WNT8A: variants seen among roughly 807,000 people sequenced by gnomAD.
The protein encoded by WNT8A is Wnt family member 8A.
Under a neutral mutation model 20.5 loss-of-function variants are expected in WNT8A, and 14 were observed. The ratio of observed to expected loss-of-function variants is 0.68; its 90% CI spans 0.45 to 1.07. WNT8A has a LOEUF of 1.07. Ranked by LOEUF, WNT8A falls within the 50% of genes least tolerant of loss-of-function variation. The pLI, the probability that WNT8A is intolerant of heterozygous loss-of-function variation, is 0.00. For synonymous variants in WNT8A, 167 were observed against 169.2 expected (o/e 0.99, Z 0.10); for missense variants, 397 against 462.9 (o/e 0.86, Z 1.31).
In WNT8A at chr5:138,090,778, A is replaced by G; in HGVS notation, c.815A>G (p.Glu272Gly). The change falls in exon 5 of 5, where the codon GAA becomes GGA. Residue 272 changes from glutamate to glycine, a missense_variant. By Grantham distance (98) the Glu-to-Gly change is moderately conservative (BLOSUM62 -2). Coordinates refer to ENST00000506684, the MANE Select transcript of WNT8A (RefSeq NM_001300939.2). Reference sequence around the variant, plus strand: ...GAGGCGGAACTGATCTTTTTAGAGGAATCACCAGATTACTGTACCTGCAAT... The same window carrying G: ...GAGGCGGAACTGATCTTTTTAGAGGGATCACCAGATTACTGTACCTGCAAT... ...SAEAELIFLEESPDYCTCNSS... is the reference protein window; with the variant it reads ...SAEAELIFLEGSPDYCTCNSS... 1 of 1,614,210 alleles carries G rather than the reference A, an allele frequency of 6.2e-7. No individual in the cohort carries two copies. Among genetic ancestry groups the G allele is most frequent in the East Asian group, 2.2e-5 (1 of 44,884 alleles).
upstream of WNT8A, among the ~76,000 whole-genome samples, chr5:138,080,900 T>A (rs1750494761): frequency 6.6e-6 from 1 of 152,110 alleles, no homozygotes. Context: ...GGGCTCCTGA[T>A]ACCTGGAGCA....
chr5:138,089,152 G>A (rs1191649533), intron 4 of WNT8A, 83 bp downstream of exon 4: 11 of 1,520,892 alleles, frequency 7.2e-6, no homozygotes, highest in African/African-American at 5.6e-5. Context: ...TGTCTTATAC[G>A]TTCTTTCCTC....
At position 138,089,028 on chromosome 5, in the gene WNT8A, A is replaced by G; in HGVS notation, c.523A>G (p.Arg175Gly). The G allele has an allele frequency of 6.2e-7, 1 of 1,613,842 alleles. No homozygotes were observed. The highest frequency in any genetic ancestry group is 8.5e-7 in the Non-Finnish European group (1 of 1,180,036). Reference sequence around the variant, plus strand: ...CAGTTTGGAGAAGGGGAAGGATGCCAGAGCCCTGATGAATCTTCACAACAA... The same window carrying G: ...CAGTTTGGAGAAGGGGAAGGATGCCGGAGCCCTGATGAATCTTCACAACAA... ...VDSLEKGKDA[R>G]ALMNLHNNRA... Residue 175 changes from arginine to glycine, a missense_variant, in exon 4 of 5, where the codon AGA becomes GGA. Transcript: ENST00000506684.
At position 138,087,842 on chromosome 5, in the gene WNT8A, C is replaced by G. The variant is rs745636684; in HGVS notation, c.332C>G (p.Ser111Cys). ...RETSFIHAIS[S>C]AGVMYIITKN... ...ACTTCCTTCATACATGCTATCAGCTCTGCTGGAGTCATGTACATCATCACC... is the reference window on the plus strand; with the variant it reads ...ACTTCCTTCATACATGCTATCAGCTGTGCTGGAGTCATGTACATCATCACC... The change falls in exon 3 of 5, where the codon TCT (serine) becomes TGT (cysteine). Residue 111 changes from serine (S) to cysteine (C), a missense_variant. Coordinates refer to ENST00000506684, the MANE Select transcript of WNT8A (RefSeq NM_001300939.2). 4 of 1,613,998 alleles carry G rather than the reference C, an allele frequency of 2.5e-6. No homozygotes were observed. Among genetic ancestry groups the G allele is most frequent in the Non-Finnish European group, 3.4e-6 (4 of 1,179,942 alleles).
intron 4 of WNT8A, among the ~76,000 whole-genome samples, chr5:138,089,619 C>T (rs192493508): frequency 6.6e-6 from 1 of 152,246 alleles, no homozygotes; most frequent in Admixed American, 6.5e-5. Context: ...TGAACCTATA[C>T]CTAGATATCC....
At chr5:138,079,688 G>T (rs2151141893), upstream of WNT8A, among the ~76,000 whole-genome samples, 1 of 152,274 alleles carries the variant, frequency 6.6e-6, no homozygotes, top group African/African-American at 2.4e-5. Context: ...AGGCTCATCT[G>T]TCCCTACCAT....
At chr5:138,087,674 AGAAAG>A in intron 2 of WNT8A, 127 bp from the exon 3 acceptor site, 1 of 706,612 alleles carries the variant, frequency 1.4e-6, no homozygotes, top group Non-Finnish European at 2.1e-6. Context: ...AAAAAAAAAA[AGAAAG>A]AAAAGCATCC....
chr5:138,090,348 A>G (rs1324568102), intron 4 of WNT8A, among the ~76,000 whole-genome samples, 180 bp from the exon 5 acceptor site: 1 of 152,182 alleles, frequency 6.6e-6, no homozygotes, highest in African/African-American at 2.4e-5. Flanking sequence ...TTCCCCACTG[A>G]ATATCCTCAT....
At position 138,091,122 on chromosome 5, in the gene WNT8A, C is replaced by T. The variant is rs762448342; in HGVS notation, c.*49C>T. 1.3e-6 allele frequency: 2 copies of T among 1,576,658 alleles called. No individual in the cohort carries two copies. The highest frequency in any genetic ancestry group is 3.5e-5 in the Admixed American group (2 of 57,016). ...GATTAATTGCATCAGTGGAAGGGGA[C>T]ATAGCTTCTCTCTTAGAGAGAACAG... On this transcript the variant is annotated 3_prime_UTR_variant, in exon 5 of 5. Transcript: ENST00000506684.
chr5:138,084,247 T>C lies in WNT8A; in HGVS notation c.120T>C (p.Gly40=), dbSNP rs1481091055. The C allele has an allele frequency of 1.9e-6, 3 of 1,614,036 alleles. No individual in the cohort carries two copies. The highest frequency in any genetic ancestry group is 4.5e-5 in the East Asian group (2 of 44,896). ...TCTGCCTCACTTTTTCTCTTTTTGG[T>C]AGGTCAGTGAACAATTTCCTGATAA... ...IHLCLTFSLF[G]RSVNNFLITG... is the part of the protein sequence containing the mutation. Residue 40 remains glycine, a synonymous_variant, in exon 1 of 5, where the codon GGT becomes GGC. Transcript: ENST00000506684.
rs757198828 is a variant in WNT8A, at chr5:138,091,500, T to C, written c.*427T>C. The C allele has an allele frequency of 4.3e-5, 58 of 1,340,968 alleles. No individual in the cohort carries two copies. Among genetic ancestry groups the C allele is most frequent in the Admixed American group, 8.0e-5 (4 of 49,984 alleles). The allele number at this position is 1,340,968 out of a possible 1,614,324, so 83.1% of individuals were successfully genotyped here. On this transcript the variant is annotated 3_prime_UTR_variant, in exon 5 of 5. Transcript: ENST00000506684. Reference sequence around the variant, plus strand: ...AACGAAAGAGTTCTGTTCAGACTTCTGAAGAGCAGCCTGTGGCTACAAATC... The same window carrying C: ...AACGAAAGAGTTCTGTTCAGACTTCCGAAGAGCAGCCTGTGGCTACAAATC...
chr5:138,082,247 G>C (rs1027168806), upstream of WNT8A, among the ~76,000 whole-genome samples: 3 of 152,188 alleles, frequency 2.0e-5, no homozygotes, highest in Non-Finnish European at 2.9e-5. Flanking sequence ...TGTTCATCCA[G>C]GTGCCTTCTT....
In WNT8A at chr5:138,090,793, GTACC is replaced by G; in HGVS notation, c.832_835del (p.Thr278AlafsTer49). ...TTTTTAGAGGAATCACCAGATTACT[GTACC>G]TGCAATTCCAGCCTGGGCATCTATG... On this transcript the variant is annotated frameshift_variant, in exon 5 of 5. Coordinates refer to ENST00000506684, the MANE Select transcript of WNT8A (RefSeq NM_001300939.2). LOFTEE classifies it low-confidence loss of function (END_TRUNC). 6.2e-7 allele frequency: 1 copy of G among 1,614,224 alleles called. No homozygotes were observed. The highest frequency in any genetic ancestry group is 8.5e-7 in the Non-Finnish European group (1 of 1,180,042).
chr5:138,080,449 T>G (rs1561572085), upstream of WNT8A, among the ~76,000 whole-genome samples: 1 of 94,704 alleles, frequency 1.1e-5, no homozygotes, highest in African/African-American at 3.9e-5. Context: ...ATCTTGTTTT[T>G]TTTTTTTTTT....
At chr5:138,090,367 T>A (rs909154878) in intron 4 of WNT8A, among the ~76,000 whole-genome samples, 161 bp from the exon 5 acceptor site, 2 of 152,176 alleles carry the variant, frequency 1.3e-5, no homozygotes, top group African/African-American at 2.4e-5. Context: ...ATTGAGAAGA[T>A]CTGAGGTAGG....
upstream of WNT8A, among the ~76,000 whole-genome samples, chr5:138,080,348 C>T (rs1386668059): frequency 1.4e-5 from 2 of 143,810 alleles, no homozygotes; most frequent in African/African-American, 5.1e-5. Context: ...AAACCGCACA[C>T]ACAAACAAAA....
upstream of WNT8A, among the ~76,000 whole-genome samples, chr5:138,082,234 G>C (rs889779793): frequency 6.6e-6 from 1 of 152,164 alleles, no homozygotes; most frequent in Non-Finnish European, 1.5e-5. Flanking sequence ...AGGGTCTTTC[G>C]TTTGTTCATC....
chr5:138,085,087 A>T (rs547939170), intron 2 of WNT8A, among the ~76,000 whole-genome samples: 1 of 152,094 alleles, frequency 6.6e-6, no homozygotes, highest in South Asian at 2.1e-4. Flanking sequence ...CAGGCATGCA[A>T]CATGCCTGGC....
chr5:138,079,808 A>G (rs1245010713), upstream of WNT8A, among the ~76,000 whole-genome samples: 1 of 152,216 alleles, frequency 6.6e-6, no homozygotes. Context: ...GATTAAGGAA[A>G]TTGATACACA....
Sources: gnomAD v4.1 joint callset for allele counts (sites outside exome capture counted in the v4.1 genomes callset) on GRCh38, gnomAD v4.1.1 for gene constraint, MANE v1.5 for transcripts, NCBI Gene and HGNC (gene_info 2026-07-23, HGNC 2026-07-21) for gene names.